The following RNF144A variants were observed in gnomAD, a reference collection of about 807,000 sequenced individuals.
RNF144A encodes the protein ring finger protein 144A, also known as E3 ubiquitin-protein ligase RNF144A.
A neutral mutation model predicts 38.7 loss-of-function variants in RNF144A; 11 were observed. The ratio of observed to expected loss-of-function variants is 0.28; its 90% confidence interval spans 0.18 to 0.47. The LOEUF is 0.47. RNF144A is among the 20% of genes least tolerant of loss of function. The pLI is 0.99. For missense variants in RNF144A, 316 were observed against 377.2 expected (o/e 0.84, Z 1.34); for synonymous variants, 149 against 143.9 (o/e 1.04, Z -0.25).
the RNF144A span, among the ~76,000 whole-genome samples, chr2:7,074,309 C>T: frequency 6.6e-6 from 1 of 152,174 alleles, no homozygotes; most frequent in African/African-American, 2.4e-5. Flanking sequence ...CCCATTTACC[C>T]ACCTTCCAGC....
downstream of RNF144A, among the ~76,000 whole-genome samples, chr2:7,071,225 C>T (rs538263928): frequency 3.3e-5 from 5 of 152,262 alleles, no homozygotes; most frequent in South Asian, 2.1e-4. Flanking sequence ...CATGAGCCAC[C>T]GTGCCTGGCC....
intron 2 of RNF144A, among the ~76,000 whole-genome samples, chr2:6,976,071 T>C (rs1300063394): frequency 6.6e-6 from 1 of 152,186 alleles, no homozygotes; most frequent in East Asian, 1.9e-4. Context: ...AGTCTTCTGG[T>C]ATTACAAACA....
Position 7,043,587 on chromosome 2 carries a change from G to A in RNF144A, c.*3827G>A, listed in dbSNP as rs2103467390. On this transcript the variant is annotated 3_prime_UTR_variant, in exon 9 of 9. Coordinates refer to ENST00000320892, the MANE Select transcript of RNF144A (RefSeq NM_014746.6). ...TCTGATAATTAACCTAAGCCCTTAT[G>A]AAAATAAACAAAATGAAGGGATTAT... 1.0e-6 allele frequency: 1 copy of A among 985,646 alleles called. No individual in the cohort carries two copies. The highest frequency in any genetic ancestry group is 4.7e-5 in the South Asian group (1 of 21,284). The allele number at this position is 985,646 out of a possible 1,614,324, so 61.1% of individuals were successfully genotyped here. A position where few individuals can be genotyped will look rare whatever the true frequency, so the allele number is the denominator to read the frequency against.
chr2:6,933,186 G>C (rs896832412), intron 1 of RNF144A: 1 of 152,224 alleles, frequency 6.6e-6, no homozygotes, highest in Non-Finnish European at 1.5e-5. Flanking sequence ...GAAGTGGAGG[G>C]ATTCCTTTGG....
chr2:6,952,342 G>A (rs1666738918), intron 2 of RNF144A, among the ~76,000 whole-genome samples: 1 of 149,730 alleles, frequency 6.7e-6, no homozygotes, highest in Non-Finnish European at 1.5e-5. Context: ...AGAGAGTTTG[G>A]CCTATATTTT....
chr2:6,947,703 T>C (rs1284781913), intron 2 of RNF144A, among the ~76,000 whole-genome samples: 1 of 152,232 alleles, frequency 6.6e-6, no homozygotes, highest in African/African-American at 2.4e-5. Flanking sequence ...AAAAATTATT[T>C]TAAGCCGTAT....
chr2:6,927,432 G>A (rs1419504289), intron 1 of RNF144A, among the ~76,000 whole-genome samples: 1 of 152,180 alleles, frequency 6.6e-6, no homozygotes, highest in Non-Finnish European at 1.5e-5. Context: ...CCTTTCCTCG[G>A]GAGGACCAGC....
intron 2 of RNF144A, among the ~76,000 whole-genome samples, chr2:6,953,418 A>G (rs1666811582): frequency 6.6e-6 from 1 of 152,210 alleles, no homozygotes; most frequent in South Asian, 2.1e-4. Flanking sequence ...AACAAGAGCA[A>G]AACTGCGTCT....
In RNF144A at chr2:7,030,212, A is replaced by G. The variant is rs1159663376; in HGVS notation, c.744A>G (p.Thr248=). ...GGGCATCTGTGATCTGGCATCGGAC[A>G]CAGGTAGGAGGTGATTTGCCTGGAA... ...HSRASVIWHR[T]QVVGIFAGFG... is the part of the protein sequence containing the mutation. The change falls in exon 8 of 9, where the codon ACA becomes ACG. Residue 248 remains threonine, a synonymous_variant. Coordinates refer to ENST00000320892, the MANE Select transcript of RNF144A (RefSeq NM_014746.6). The G allele has an allele frequency of 6.2e-7, 1 of 1,611,626 alleles. No homozygotes were observed. Among genetic ancestry groups the G allele is most frequent in the Non-Finnish European group, 8.5e-7 (1 of 1,178,086 alleles).
At chr2:7,017,523 G>A (rs1671220352) in intron 5 of RNF144A, among the ~76,000 whole-genome samples, 2 of 152,084 alleles carry the variant, frequency 1.3e-5, no homozygotes, top group South Asian at 2.1e-4. Flanking sequence ...TGGGTGCATC[G>A]TTCTCTGTCA....
At position 7,042,054 on chromosome 2, in the gene RNF144A, C is replaced by T. The variant is rs561591438; in HGVS notation, c.*2294C>T. 20 of 985,384 alleles carry T rather than the reference C, an allele frequency of 2.0e-5. 1 individual carries two copies. In the South Asian group the frequency reaches 7.0e-4, roughly 35 times the overall value. 61.0% of individuals were successfully genotyped at this position (985,384 alleles called of 1,614,324 possible). On this transcript the variant is annotated 3_prime_UTR_variant, in exon 9 of 9. Transcript: ENST00000320892. ...CCAGGGGCAGTCAAATTGGCACCTA[C>T]TGGCTCTGACTTTTTGTATGAAGCA...
In RNF144A at chr2:6,975,664, A is replaced by C. The variant is rs922051486; in HGVS notation, c.-11-21252A>C. On this transcript the variant is annotated intron_variant, in intron 2 of 8. Coordinates refer to ENST00000320892, the MANE Select transcript of RNF144A (RefSeq NM_014746.6). ...AAGTTGAAAGCCCATCTCTGCAAAAAATGCAAAAATTAGTCAGGTGTGGTT... is the reference window on the plus strand; with the variant it reads ...AAGTTGAAAGCCCATCTCTGCAAAACATGCAAAAATTAGTCAGGTGTGGTT... Among the ~76,000 whole-genome samples the C allele has an allele frequency of 6.6e-4, 100 of 152,232 alleles. 1 individual carries two copies. Among genetic ancestry groups the C allele is most frequent in the African/African-American group, 2.4e-3 (100 of 41,542 alleles).
intron 1 of RNF144A, among the ~76,000 whole-genome samples, chr2:6,924,873 G>T (rs530934689): frequency 6.6e-6 from 1 of 152,354 alleles, no homozygotes; most frequent in East Asian, 1.9e-4. Flanking sequence ...ATGGTCTGTG[G>T]TGCCAGTTGT....
At chr2:7,005,230 T>C (rs1223899436) in intron 3 of RNF144A, among the ~76,000 whole-genome samples, 1 of 152,188 alleles carries the variant, frequency 6.6e-6, no homozygotes, top group Non-Finnish European at 1.5e-5. Context: ...ATATGCAGAA[T>C]GGTTGAAGCC....
chr2:7,050,314 G>A (rs72783743), intron 6 of RNF144A, among the ~76,000 whole-genome samples: 8,861 of 152,250 alleles, frequency 0.058, 344 homozygotes, highest in Middle Eastern at 0.17. Flanking sequence ...GTTCCCCTAC[G>A]CAAGCTCTCT....
At chr2:6,972,383 A>C (rs894097649) in intron 2 of RNF144A, among the ~76,000 whole-genome samples, 6 of 152,122 alleles carry the variant, frequency 3.9e-5, no homozygotes, top group Non-Finnish European at 8.8e-5. Context: ...GCTAACCCCC[A>C]CTTACCCTCT....
At chr2:7,054,184 C>A (rs1453382957) in intron 6 of RNF144A, among the ~76,000 whole-genome samples, 1 of 152,164 alleles carries the variant, frequency 6.6e-6, no homozygotes, top group African/African-American at 2.4e-5. Flanking sequence ...TGTGAGAAAG[C>A]AGCTGATGAG....
chr2:7,033,610 A>T (rs997022312), intron 8 of RNF144A, among the ~76,000 whole-genome samples: 1 of 151,612 alleles, frequency 6.6e-6, no homozygotes, highest in Non-Finnish European at 1.5e-5. Flanking sequence ...GCACATCCAC[A>T]TTCTAACCTT....
chr2:6,953,255 C>T (rs763195709), intron 2 of RNF144A, among the ~76,000 whole-genome samples: 5 of 152,070 alleles, frequency 3.3e-5, no homozygotes, highest in Non-Finnish European at 7.4e-5. Context: ...GGTGAAACTC[C>T]GTGTCTTCTA....
Sources: gnomAD v4.1 joint callset for allele counts (sites outside exome capture counted in the v4.1 genomes callset) on GRCh38, gnomAD v4.1.1 for gene constraint, MANE v1.5 for transcripts, NCBI Gene and HGNC (gene_info 2026-07-23, HGNC 2026-07-21) for gene names.